The following HUNK variants were observed in gnomAD, a reference collection of about 807,000 sequenced individuals.
The protein encoded by HUNK is hormonally up-regulated Neu-associated kinase.
In HUNK, 21 loss-of-function variants were observed where a neutral mutation model predicts 61.0. That is an observed-to-expected ratio of 0.34 (90% CI 0.24 to 0.50). The LOEUF (loss-of-function observed/expected upper bound fraction) is 0.50. Among genes scored for constraint, HUNK ranks in the 20% least tolerant of loss-of-function variants. HUNK has a pLI of 0.98. For synonymous variants in HUNK, 371 were observed against 386.1 expected, an observed-to-expected ratio of 0.96 and a Z score of 0.46; for missense variants, 772 against 945.7, an observed-to-expected ratio of 0.82 and a Z score of 2.41.
At chr21:31,921,708 CAT>C (rs2052623743) in intron 1 of HUNK, among the ~76,000 whole-genome samples, 1 of 152,206 alleles carries the variant, frequency 6.6e-6, no homozygotes. Flanking sequence ...GAAGAGGTGA[CAT>C]CCATGCCTTA....
intron 1 of HUNK, among the ~76,000 whole-genome samples, chr21:31,893,945 A>G (rs2052408408): frequency 6.6e-6 from 1 of 151,982 alleles, no homozygotes; most frequent in Admixed American, 6.6e-5. Context: ...AGCTTCCGGG[A>G]CTGGGTTGAG....
At chr21:31,925,924 AT>A (rs60079886) in intron 2 of HUNK, among the ~76,000 whole-genome samples, 93,415 of 144,008 alleles carry the variant, frequency 0.65, 31,258 homozygotes, top group East Asian at 0.83. Context: ...AACCAGAAAT[AT>A]TTTTTTTTTT....
At position 31,873,820 on chromosome 21, in the gene HUNK, T is replaced by C. The variant is rs1240626141; in HGVS notation, c.146T>C (p.Leu49Pro). The part of the protein sequence containing the change: ...AWVSGVPRER[L>P]RDFQHHKRVG... ...GTGAGCGGCGTGCCCCGCGAGCGGC[T>C]CCGCGACTTCCAGCACCACAAGCGC... The change falls in exon 1 of 11, where the codon CTC (leucine) becomes CCC (proline). Residue 49 changes from leucine to proline, a missense_variant. Around this residue, in one of 2 missense-constraint regions of HUNK, gnomAD observed 359 missense variants for 501.3 expected, o/e 0.72. Coordinates refer to ENST00000270112, the MANE Select transcript of HUNK (RefSeq NM_014586.2). This position sits in a 1 kb window ranked among gnomAD's most constrained non-coding sequence, Gnocchi z 6.1. 7 of 1,577,190 alleles carry C rather than the reference T, an allele frequency of 4.4e-6. No homozygotes were observed. The Admixed American group carries it at 1.2e-4, about 28-fold the overall frequency.
At chr21:31,934,121 T>C (rs1364787600) in intron 2 of HUNK, among the ~76,000 whole-genome samples, 2 of 152,106 alleles carry the variant, frequency 1.3e-5, no homozygotes, top group African/African-American at 2.4e-5. Flanking sequence ...TTCTGGATAA[T>C]ATAGGCTTGC....
rs372047091 is a variant in HUNK at position 31,998,798 on chromosome 21, G to A, written c.1759G>A (p.Val587Ile). Reference sequence around the variant, plus strand: ...TCACTACAGGATTCTGAACTCCCCGGTCAGCTTGGCTCGCAGAAATTCCAG... The same window carrying A: ...TCACTACAGGATTCTGAACTCCCCGATCAGCTTGGCTCGCAGAAATTCCAG... ...SHHYRILNSP[V>I]SLARRNSSER... The change falls in exon 11 of 11, where the codon GTC (valine) becomes ATC (isoleucine). Residue 587 changes from valine to isoleucine, a missense_variant. Physicochemically the swap from Val to Ile is conservative, Grantham distance 29. Transcript: ENST00000270112. 2.5e-6 allele frequency: 4 copies of A among 1,614,034 alleles called. No individual in the cohort carries two copies. Among genetic ancestry groups the A allele is most frequent in the East Asian group, 2.2e-5 (1 of 44,872 alleles).
chr21:31,940,506 G>C (rs548736155), intron 3 of HUNK, among the ~76,000 whole-genome samples: 1 of 152,270 alleles, frequency 6.6e-6, no homozygotes, highest in South Asian at 2.1e-4. Flanking sequence ...AGATAGTTTG[G>C]CTTAGAAATG....
In HUNK at chr21:31,924,735, C is replaced by G; in HGVS notation, c.529C>G (p.Leu177Val). ...ACAGCTCATCTCTGCCGTAGAGCAC[C>G]TGCACCGGGCCGGGGTGGTCCACAG... is the stretch of plus-strand genomic sequence containing the variant. The part of the protein sequence containing the change: ...IRQLISAVEH[L>V]HRAGVVHRDL... Residue 177 changes from leucine (L) to valine (V), a missense_variant, in exon 2 of 11, where the codon CTG (leucine) becomes GTG (valine). Leu to Val is a conservative substitution (Grantham distance 32). Coordinates refer to ENST00000270112, the MANE Select transcript of HUNK (RefSeq NM_014586.2). This position sits in a 1 kb window ranked among gnomAD's most constrained non-coding sequence, Gnocchi z 5.1. 6.2e-7 allele frequency: 1 copy of G among 1,611,842 alleles called. No individual in the cohort carries two copies. The highest frequency in any genetic ancestry group is 8.5e-7 in the Non-Finnish European group (1 of 1,179,166).
At chr21:31,960,107 G>A (rs1349829223) in intron 5 of HUNK, among the ~76,000 whole-genome samples, 1 of 152,228 alleles carries the variant, frequency 6.6e-6, no homozygotes, top group Non-Finnish European at 1.5e-5. Flanking sequence ...AAGTGCGGCA[G>A]AGCACTCTGA....
intron 1 of HUNK, among the ~76,000 whole-genome samples, chr21:31,892,087 C>T (rs2052391107): frequency 6.7e-6 from 1 of 149,204 alleles, no homozygotes; most frequent in Non-Finnish European, 1.5e-5. Flanking sequence ...CTCTAAACTT[C>T]AGCTTCTGTA....
At chr21:31,966,902 CT>C (rs1454752094) in intron 5 of HUNK, among the ~76,000 whole-genome samples, 1 of 152,166 alleles carries the variant, frequency 6.6e-6, no homozygotes, top group Non-Finnish European at 1.5e-5. Flanking sequence ...TACCGCAATA[CT>C]TTGTAAAATA....
chr21:31,965,655 G>T (rs2052960834), intron 5 of HUNK, among the ~76,000 whole-genome samples: 1 of 145,832 alleles, frequency 6.9e-6, no homozygotes. Context: ...AGGCTGGAGT[G>T]CAATGGCGTG....
intron 2 of HUNK, among the ~76,000 whole-genome samples, chr21:31,935,856 C>T (rs745331727): frequency 3.9e-5 from 6 of 152,016 alleles, no homozygotes; most frequent in Admixed American, 6.5e-5. Flanking sequence ...CTCACTCTGT[C>T]GCCCTAGGCT....
At chr21:31,988,428 G>A (rs1212236576) in intron 8 of HUNK, among the ~76,000 whole-genome samples, 1 of 152,186 alleles carries the variant, frequency 6.6e-6, no homozygotes, top group Non-Finnish European at 1.5e-5. Context: ...GAAGAAAACT[G>A]ACGGAGAGGG....
chr21:31,966,292 GTA>G (rs938407346), intron 5 of HUNK, among the ~76,000 whole-genome samples: 86 of 152,090 alleles, frequency 5.7e-4, no homozygotes, highest in African/African-American at 2.0e-3. Context: ...TATATGACAT[GTA>G]TATATATATG....
intron 1 of HUNK, among the ~76,000 whole-genome samples, chr21:31,921,980 T>C (rs2052625377): frequency 6.6e-6 from 1 of 152,016 alleles, no homozygotes; most frequent in Non-Finnish European, 1.5e-5. Context: ...ATCAGTTTTG[T>C]GTGTGTCTTG....
intron 8 of HUNK, among the ~76,000 whole-genome samples, chr21:31,989,895 A>T (rs564033847): frequency 2.0e-5 from 3 of 151,490 alleles, no homozygotes; most frequent in African/African-American, 7.3e-5. Context: ...TCATTAGAGC[A>T]CTCCTCCATA....
intron 1 of HUNK, among the ~76,000 whole-genome samples, chr21:31,917,010 T>C (rs1054579240): frequency 6.6e-6 from 1 of 152,076 alleles, no homozygotes. Context: ...CTGCATCTTG[T>C]ATTTCGTTAT....
At chr21:31,878,856 T>C (rs900988402) in intron 1 of HUNK, among the ~76,000 whole-genome samples, 2 of 152,348 alleles carry the variant, frequency 1.3e-5, no homozygotes, top group South Asian at 2.1e-4. Context: ...TCCATGCCAC[T>C]GTTACCTTTT....
chr21:31,908,306 T>A (rs2052521626), intron 1 of HUNK, among the ~76,000 whole-genome samples: 1 of 151,976 alleles, frequency 6.6e-6, no homozygotes, highest in Admixed American at 6.6e-5. Context: ...ATCTGGACTT[T>A]ATTTAGACGA....
Sources: allele counts gnomAD v4.1 joint callset (sites outside exome capture counted in the v4.1 genomes callset), GRCh38; gene constraint gnomAD v4.1.1; regional missense constraint gnomAD v4.1.1; non-coding constraint Gnocchi (gnomAD v3.1); transcripts MANE v1.5; gene names NCBI Gene and HGNC (gene_info 2026-07-23, HGNC 2026-07-21).